MAP1B: variants seen among roughly 807,000 people sequenced by gnomAD.
The protein encoded by MAP1B is microtubule-associated protein 1B.
MAP1B carries 12 observed loss-of-function variants against 176.1 expected under a neutral mutation model. The ratio of observed to expected loss-of-function variants is 0.07; its 90% CI spans 0.04 to 0.11. The LOEUF is 0.11. Among genes scored for constraint, MAP1B ranks in the 10% least tolerant of loss-of-function variants. The pLI, the probability that MAP1B is intolerant of heterozygous loss-of-function variation, is 1.00. For missense variants in MAP1B, 2,523 were observed against 2,990.5 expected, an observed-to-expected ratio of 0.84 and a Z score of 3.65; for synonymous variants, 1,044 against 1,135.0, an observed-to-expected ratio of 0.92 and a Z score of 1.61.
chr5:72,192,164 G>T (rs1747038121), intron 4 of MAP1B, among the ~76,000 whole-genome samples: 1 of 152,218 alleles, frequency 6.6e-6, no homozygotes, highest in Non-Finnish European at 1.5e-5. Flanking sequence ...CATGTGCTTT[G>T]TGTGAAAATT....
intron 2 of MAP1B, among the ~76,000 whole-genome samples, chr5:72,168,476 A>G (rs758340696): frequency 3.3e-5 from 5 of 152,246 alleles, no homozygotes; most frequent in African/African-American, 4.8e-5. Context: ...GGATCATTGC[A>G]TATATTCCAA....
chr5:72,183,597 G>A (rs1013035649), intron 2 of MAP1B, 146 bp from the exon 3 acceptor site: 27 of 620,882 alleles, frequency 4.3e-5, no homozygotes, highest in Non-Finnish European at 6.7e-5. Context: ...AGCACCAATT[G>A]TGTTTCCCAA....
intron 5 of MAP1B, among the ~76,000 whole-genome samples, chr5:72,201,120 T>C (rs955070473): frequency 6.6e-6 from 1 of 151,906 alleles, no homozygotes; most frequent in Non-Finnish European, 1.5e-5. Flanking sequence ...TTCAGCACTT[T>C]GGGAGGCTGA....
At chr5:72,177,902 T>TAG (rs1185044554) in intron 2 of MAP1B, among the ~76,000 whole-genome samples, 2 of 152,220 alleles carry the variant, frequency 1.3e-5, no homozygotes, top group African/African-American at 4.8e-5. Context: ...ACTCTGACTC[T>TAG]ATCATTTTCT....
At position 72,194,530 on chromosome 5, in the gene MAP1B, C is replaced by T; in HGVS notation, c.1175C>T (p.Ser392Phe). 6.2e-7 allele frequency: 1 copy of T among 1,614,100 alleles called. No homozygotes were observed. The highest frequency in any genetic ancestry group is 8.5e-7 in the Non-Finnish European group (1 of 1,180,030). Residue 392 changes from serine to phenylalanine, a missense_variant, in exon 5 of 7, where the codon TCC becomes TTC. Ser to Phe is a radical substitution (Grantham distance 155). Transcript: ENST00000296755. This position sits in a 1 kb window ranked among gnomAD's most constrained non-coding sequence, Gnocchi z 7.2. ...ACTCTCCAGTACCTAAACAAATTGT[C>T]CATGAAACCAGAACCTCTGTTTAGA... ...CFTLQYLNKLSMKPEPLFRSV... is the reference protein window; with the variant it reads ...CFTLQYLNKLFMKPEPLFRSV...
At chr5:72,193,718 A>C in intron 4 of MAP1B, 148 bp from the exon 5 acceptor site, 29 of 878,908 alleles carry the variant, frequency 3.3e-5, no homozygotes, top group Non-Finnish European at 4.2e-5. Context: ...GCATTTAAGC[A>C]ACCAACATCA....
intron 2 of MAP1B, among the ~76,000 whole-genome samples, chr5:72,143,996 T>C (rs1292839263): frequency 1.3e-5 from 2 of 152,208 alleles, no homozygotes; most frequent in Non-Finnish European, 2.9e-5. Flanking sequence ...GTGTTCTCCC[T>C]GTTTGTCTCT....
chr5:72,176,997 T>C (rs1161515977), intron 2 of MAP1B, among the ~76,000 whole-genome samples: 1 of 152,214 alleles, frequency 6.6e-6, no homozygotes. Flanking sequence ...TGTAATTTCC[T>C]GGTAACAGGT....
At chr5:72,168,761 G>T (rs1253635762) in intron 2 of MAP1B, among the ~76,000 whole-genome samples, 1 of 152,192 alleles carries the variant, frequency 6.6e-6, no homozygotes, top group Non-Finnish European at 1.5e-5. Flanking sequence ...TCTTTGTCAT[G>T]GGTTTCAGAC....
intron 2 of MAP1B, among the ~76,000 whole-genome samples, chr5:72,163,930 CTTTTTTTTTT>C (rs869167918): frequency 9.1e-5 from 4 of 43,718 alleles, no homozygotes; most frequent in Admixed American, 3.9e-4. Context: ...TTTTTTTTTT[CTTTTTTTTTT>C]TTTTTTTTTT....
At position 72,115,805 on chromosome 5, in the gene MAP1B, G is replaced by C. The variant is rs371647795; in HGVS notation, c.286+6G>C. 1.4e-5 allele frequency: 23 copies of C among 1,596,720 alleles called. No homozygotes were observed. The Admixed American group carries it at 3.0e-4, about 21-fold the overall frequency. On this transcript the variant is annotated splice_donor_region_variant and intron_variant, in intron 2 of 6. Coordinates refer to ENST00000296755, the MANE Select transcript of MAP1B (RefSeq NM_005909.5). ...ATTCTCTCCTGAAGTCCCAGGTGAGGCTTCCGCTCAGTGTTGGTCAGCCTA... is the reference window on the plus strand; with the variant it reads ...ATTCTCTCCTGAAGTCCCAGGTGAGCCTTCCGCTCAGTGTTGGTCAGCCTA...
At chr5:72,184,570 G>A (rs1358959111) in intron 3 of MAP1B, among the ~76,000 whole-genome samples, 2 of 152,222 alleles carry the variant, frequency 1.3e-5, no homozygotes, top group African/African-American at 4.8e-5. Flanking sequence ...GCTATGGAGA[G>A]TCACTGGGTA....
chr5:72,187,189 G>A (rs1352887909), intron 4 of MAP1B, among the ~76,000 whole-genome samples: 1 of 152,144 alleles, frequency 6.6e-6, no homozygotes, highest in East Asian at 1.9e-4. Context: ...TTTGAACTTG[G>A]GCTGTTTGAA....
At chr5:72,118,973 A>G (rs1459217) in intron 2 of MAP1B, among the ~76,000 whole-genome samples, 97,901 of 151,678 alleles carry the variant, frequency 0.65, 32,220 homozygotes, top group Middle Eastern at 0.73. Context: ...TGATTCCTTT[A>G]TACTAGTTTA....
At chr5:72,173,984 G>C (rs1746598396) in intron 2 of MAP1B, among the ~76,000 whole-genome samples, 1 of 152,146 alleles carries the variant, frequency 6.6e-6, no homozygotes, top group African/African-American at 2.4e-5. Context: ...AAAAAAATTA[G>C]CCAGCCATGG....
At chr5:72,144,036 TAAGATTCC>T (rs2112157242) in intron 2 of MAP1B, among the ~76,000 whole-genome samples, 1 of 152,334 alleles carries the variant, frequency 6.6e-6, no homozygotes, top group South Asian at 2.1e-4. Context: ...AGTCATTGAA[TAAGATTCC>T]CACCCTAATC....
chr5:72,126,889 T>G (rs1168112879), intron 2 of MAP1B, among the ~76,000 whole-genome samples: 2 of 152,208 alleles, frequency 1.3e-5, no homozygotes, highest in Non-Finnish European at 2.9e-5. Flanking sequence ...AAGACAAAAT[T>G]TAATCATGTT....
At chr5:72,181,227 G>A (rs1746758648) in intron 2 of MAP1B, among the ~76,000 whole-genome samples, 1 of 152,166 alleles carries the variant, frequency 6.6e-6, no homozygotes, top group Non-Finnish European at 1.5e-5. Flanking sequence ...TGGTGGGGGA[G>A]AATGGGCTTG....
At chr5:72,170,412 C>T (rs1241221682) in intron 2 of MAP1B, among the ~76,000 whole-genome samples, 1 of 152,112 alleles carries the variant, frequency 6.6e-6, no homozygotes, top group Non-Finnish European at 1.5e-5. Flanking sequence ...CAAGCATTTA[C>T]CCTTTACTAA....
Sources: gnomAD v4.1 joint callset for allele counts (sites outside exome capture counted in the v4.1 genomes callset) on GRCh38, gnomAD v4.1.1 for gene constraint, Gnocchi (gnomAD v3.1) non-coding constraint, MANE v1.5 for transcripts, NCBI Gene and HGNC (gene_info 2026-07-23, HGNC 2026-07-21) for gene names.